PYM1: variants seen among roughly 807,000 people sequenced by gnomAD.
The protein encoded by PYM1 is PYM1 exon junction complex associated factor, also known as partner of Y14 and mago.
Under a neutral mutation model 20.7 loss-of-function variants are expected in PYM1, and 7 were observed. The observed-to-expected ratio is 0.34, with a 90% CI of 0.19 to 0.64. PYM1 has a LOEUF of 0.64. PYM1 is among the 30% of genes least tolerant of loss of function. The probability of loss-of-function intolerance (pLI) is 0.74; values close to 1 mark genes in which losing one functional copy is unlikely to be tolerated. For missense variants in PYM1, 194 were observed against 250.0 expected (o/e 0.78, Z 1.51); for synonymous variants, 100 against 99.2 (o/e 1.01, Z -0.05).
chr12:55,918,509 G>A (rs907736654), intron 1 of PYM1, among the ~76,000 whole-genome samples: 2 of 152,148 alleles, frequency 1.3e-5, no homozygotes, highest in African/African-American at 4.8e-5. Context: ...GACGTAGGAG[G>A]ATCACTTGAG....
In PYM1 at chr12:55,902,084, G is replaced by A; in HGVS notation, c.403C>T (p.Pro135Ser). 2 of 1,614,072 alleles carry A rather than the reference G, an allele frequency of 1.2e-6. No homozygotes were observed. Among genetic ancestry groups the A allele is most frequent in the Non-Finnish European group, 1.7e-6 (2 of 1,180,012 alleles). The change falls in exon 3 of 3, where the codon CCC (proline) becomes TCC (serine). Residue 135 changes from proline to serine, a missense_variant. Coordinates refer to ENST00000408946, the MANE Select transcript of PYM1 (RefSeq NM_032345.3). ...TCAGGCTGGTCAGATGCAGCTGTGG[G>A]GGCTGCCCGAGAGCCCTGTGGAGCA... is the stretch of plus-strand genomic sequence containing the variant. ...PSAPQGSRAA[P>S]TAASDQPDSA...
intron 1 of PYM1, among the ~76,000 whole-genome samples, chr12:55,921,512 A>C (rs1299142749): frequency 6.6e-6 from 1 of 152,126 alleles, no homozygotes; most frequent in Non-Finnish European, 1.5e-5. Context: ...ATCATAAAAA[A>C]ATAAAACTCC....
chr12:55,915,213 T>TAAAA (rs1174981358), intron 1 of PYM1, among the ~76,000 whole-genome samples: 493 of 48,900 alleles, frequency 0.01, 32 homozygotes, highest in Middle Eastern at 0.028. Context: ...AGACTCTGCC[T>TAAAA]AAAAAAAAAA....
rs890601023 is a variant in PYM1 at position 55,901,694 on chromosome 12, G to A, written c.*178C>T. 1.6e-5 allele frequency: 14 copies of A among 893,766 alleles called. No homozygotes were observed. The highest frequency in any genetic ancestry group is 2.6e-5 in the Admixed American group (1 of 37,754). The allele number at this position is 893,766 out of a possible 1,614,324, so 55.4% of individuals were successfully genotyped here. Reference sequence around the variant, plus strand: ...GGGAAAGTCCAAAAAGTAGAAGTTGGGAAGAAAAGGGAAGGATTGAGGGAG... The same window carrying A: ...GGGAAAGTCCAAAAAGTAGAAGTTGAGAAGAAAAGGGAAGGATTGAGGGAG... On this transcript the variant is annotated 3_prime_UTR_variant, in exon 3 of 3. Coordinates refer to ENST00000408946, the MANE Select transcript of PYM1 (RefSeq NM_032345.3).
chr12:55,905,701 C>G (rs1022892271), intron 1 of PYM1, among the ~76,000 whole-genome samples: 2 of 90,322 alleles, frequency 2.2e-5, no homozygotes, highest in Non-Finnish European at 2.1e-5. Flanking sequence ...AGACTCCAAC[C>G]CAATTAAAAA....
intron 1 of PYM1, chr12:55,927,185 T>G: frequency 1.9e-6 from 3 of 1,542,214 alleles, no homozygotes; most frequent in Middle Eastern, 1.7e-4. Flanking sequence ...GGAGTCCCGA[T>G]CGTAGCAAGC....
In PYM1 at chr12:55,912,333, T is replaced by C. The variant is rs143618930; in HGVS notation, c.38-8853A>G. Among the ~76,000 whole-genome samples the C allele has an allele frequency of 6.8e-3, 1,028 of 150,960 alleles. 8 individuals are homozygous for C. Among genetic ancestry groups the C allele is most frequent in the Non-Finnish European group, 0.011 (752 of 67,628 alleles). ...CGCCACTGCACTCCAGCCTGGGTGA[T>C]AGAGCGAGACTCCACCTCAAAAAAT... On this transcript the variant is annotated intron_variant, in intron 1 of 2. Coordinates refer to ENST00000408946, the MANE Select transcript of PYM1 (RefSeq NM_032345.3).
At position 55,901,825 on chromosome 12, in the gene PYM1, G is replaced by A. The variant is rs565050774; in HGVS notation, c.*47C>T. 48 of 1,545,508 alleles carry A rather than the reference G, an allele frequency of 3.1e-5. No individual in the cohort carries two copies. The highest frequency in any genetic ancestry group is 3.7e-5 in the Non-Finnish European group (42 of 1,149,500). On this transcript the variant is annotated 3_prime_UTR_variant, in exon 3 of 3. Coordinates refer to ENST00000408946, the MANE Select transcript of PYM1 (RefSeq NM_032345.3). ...TGCCCGTATTCCCCCAGACCCCAGAGAGCCCCACGGTTTGTTCTGCAGTCC... is the reference window on the plus strand; with the variant it reads ...TGCCCGTATTCCCCCAGACCCCAGAAAGCCCCACGGTTTGTTCTGCAGTCC...
intron 1 of PYM1, among the ~76,000 whole-genome samples, chr12:55,904,696 G>C (rs972494504): frequency 6.6e-6 from 1 of 151,328 alleles, no homozygotes; most frequent in African/African-American, 2.4e-5. Flanking sequence ...GGCCAACATG[G>C]TGAAACCCTG....
At chr12:55,921,334 T>C (rs1031652617) in intron 1 of PYM1, among the ~76,000 whole-genome samples, 1 of 152,188 alleles carries the variant, frequency 6.6e-6, no homozygotes, top group Non-Finnish European at 1.5e-5. Context: ...GCAGGAGTTA[T>C]TCCAATTTCA....
Position 55,903,426 on chromosome 12 carries a change from C to T in PYM1, c.92G>A (p.Arg31Lys), listed in dbSNP as rs1478500009. 4.3e-6 allele frequency: 7 copies of T among 1,614,102 alleles called. No individual in the cohort carries two copies. The highest frequency in any genetic ancestry group is 5.9e-6 in the Non-Finnish European group (7 of 1,180,028). ...CTGGGGCACATATCCTTCTTTCACC[C>T]TCCGCTGCTTGCGCCAGGTCCCGTC... ...RPDGTWRKQRRVKEGYVPQEE... is the reference protein window; with the variant it reads ...RPDGTWRKQRKVKEGYVPQEE... The change falls in exon 2 of 3, where the codon AGG (arginine) becomes AAG (lysine). Residue 31 changes from arginine to lysine, a missense_variant. Arg to Lys is a conservative substitution (Grantham distance 26). Coordinates refer to ENST00000408946, the MANE Select transcript of PYM1 (RefSeq NM_032345.3).
At chr12:55,914,278 A>C (rs978273921) in intron 1 of PYM1, 1 of 702,296 alleles carries the variant, frequency 1.4e-6, no homozygotes, top group Admixed American at 2.0e-5. Flanking sequence ...AGGAGCACCT[A>C]TTTTATGTTA....
intron 1 of PYM1, among the ~76,000 whole-genome samples, chr12:55,905,879 G>GATATATATATATCTAATAGAT (rs1176896318): frequency 1.9e-5 from 2 of 104,964 alleles, no homozygotes; most frequent in Non-Finnish European, 3.8e-5. Flanking sequence ...ATATCTATTA[G>GATATATATATATCTAATAGAT]ATATATATAT....
At chr12:55,923,978 A>T (rs901497838) in intron 1 of PYM1, among the ~76,000 whole-genome samples, 8 of 151,874 alleles carry the variant, frequency 5.3e-5, no homozygotes, top group Non-Finnish European at 1.2e-4. Context: ...CAGGAGGCTG[A>T]GGCAGAAGAA....
At chr12:55,921,112 T>C (rs1442210720) in intron 1 of PYM1, among the ~76,000 whole-genome samples, 8 of 152,172 alleles carry the variant, frequency 5.3e-5, no homozygotes, top group Admixed American at 2.6e-4. Context: ...ACAGTAATAT[T>C]TGCAGAACAA....
In PYM1 at chr12:55,927,875, C is replaced by T; in HGVS notation, c.-114G>A. ...ATGAGGGCCCTAGTTGCTTCTCGCC[C>T]AGACCTCCTAACCCTGAGTGCCTCC... On this transcript the variant is annotated 5_prime_UTR_variant, in exon 1 of 3. Coordinates refer to ENST00000408946, the MANE Select transcript of PYM1 (RefSeq NM_032345.3). The T allele has an allele frequency of 7.2e-7, 1 of 1,384,602 alleles. No homozygotes were observed. Among genetic ancestry groups the T allele is most frequent in the Non-Finnish European group, 9.7e-7 (1 of 1,030,842 alleles). The allele number at this position is 1,384,602 out of a possible 1,614,324, so 85.8% of individuals were successfully genotyped here.
chr12:55,923,621 A>G (rs566265919), intron 1 of PYM1, among the ~76,000 whole-genome samples: 1 of 152,202 alleles, frequency 6.6e-6, no homozygotes, highest in East Asian at 1.9e-4. Flanking sequence ...TAATAGTAAT[A>G]TATCAATATT....
intron 1 of PYM1, among the ~76,000 whole-genome samples, chr12:55,920,651 A>G (rs978093971): frequency 6.6e-6 from 1 of 150,546 alleles, no homozygotes; most frequent in Non-Finnish European, 1.5e-5. Flanking sequence ...AAAAAAAAAG[A>G]AAAAAAAAGA....
At chr12:55,905,094 C>CG (rs1565714127) in intron 1 of PYM1, among the ~76,000 whole-genome samples, 1 of 151,300 alleles carries the variant, frequency 6.6e-6, no homozygotes, top group African/African-American at 2.4e-5. Flanking sequence ...CTCTGCCTCC[C>CG]GGGTTCACGC....
Sources: gnomAD v4.1 joint callset for allele counts (sites outside exome capture counted in the v4.1 genomes callset) on GRCh38, gnomAD v4.1.1 for gene constraint, MANE v1.5 for transcripts, NCBI Gene and HGNC (gene_info 2026-07-23, HGNC 2026-07-21) for gene names.